The following NLRP1 variants were observed in gnomAD, a reference collection of about 807,000 sequenced individuals.
NLRP1 encodes the protein NLR family pyrin domain containing 1.
In NLRP1, 94 loss-of-function variants were observed where a neutral mutation model predicts 136.7. The ratio of observed to expected loss-of-function variants is 0.69; its 90% CI spans 0.58 to 0.82. NLRP1 has a LOEUF of 0.82. NLRP1 is among the 40% of genes least tolerant of loss of function. NLRP1 has a pLI of 0.00. For missense variants in NLRP1, 1,575 were observed against 1,802.7 expected (o/e 0.87, Z 2.29); for synonymous variants, 690 against 725.1 (o/e 0.95, Z 0.78).
intron 10 of NLRP1, 119 bp downstream of exon 10, chr17:5,533,185 C>T (rs907936952): frequency 4.0e-5 from 61 of 1,508,014 alleles, no homozygotes; most frequent in South Asian, 6.6e-5. Flanking sequence ...GCCCAGCCTC[C>T]GCCCATCTCC....
rs1426999385 is a variant in NLRP1, at chr17:5,582,758, C to G, written c.360G>C (p.Trp120Cys). 3.1e-6 allele frequency: 5 copies of G among 1,614,018 alleles called. No homozygotes were observed. In the South Asian group the frequency reaches 5.5e-5, roughly 18 times the overall value. The change falls in exon 2 of 17, where the codon TGG (tryptophan) becomes TGC (cysteine). Residue 120 changes from tryptophan (W) to cysteine (C), a missense_variant. Coordinates refer to ENST00000572272, the MANE Select transcript of NLRP1 (RefSeq NM_033004.4). The part of the protein sequence containing the change: ...QPTSTAVLMP[W>C]IHELPAGCTQ... The stretch of plus-strand genomic sequence containing the variant: ...TGCACCCCGCCGGCAATTCATGGAT[C>G]CAGGGCATTAGCACTGCGGTGGAGG...
chr17:5,552,646 A>G (rs184673098), intron 5 of NLRP1, among the ~76,000 whole-genome samples: 118 of 152,228 alleles, frequency 7.8e-4, no homozygotes, highest in Non-Finnish European at 1.5e-3. Context: ...CCTAAATTCA[A>G]TCCATTACTG....
chr17:5,529,826 A>G (rs141387641), intron 12 of NLRP1: 105 of 329,052 alleles, frequency 3.2e-4, no homozygotes, highest in African/African-American at 2.2e-3. Context: ...CAGCATCTGA[A>G]GGATTTAAGG....
At chr17:5,517,659 T>G in intron 15 of NLRP1, 87 bp downstream of exon 15, 3 of 1,493,540 alleles carry the variant, frequency 2.0e-6, no homozygotes, top group Non-Finnish European at 2.8e-6. Context: ...GTTCTGGGAT[T>G]ACAGGCGTGA....
chr17:5,521,848 G>C lies in NLRP1; in HGVS notation c.3521-62C>G, dbSNP rs1027303947. 2.4e-5 allele frequency: 35 copies of C among 1,476,264 alleles called. No individual in the cohort carries two copies. In the Middle Eastern group the frequency reaches 7.6e-4, roughly 32 times the overall value. The allele number at this position is 1,476,264 out of a possible 1,614,324, so 91.4% of individuals were successfully genotyped here. A position where few individuals can be genotyped will look rare whatever the true frequency, so the allele number is the denominator to read the frequency against. ...TTTATTTATTTATTTTGTTGAGACA[G>C]AGTTTCGCTCTTGTCGCCCAGGCTG... On this transcript the variant is annotated intron_variant, in intron 12 of 16. Transcript: ENST00000572272.
intron 7 of NLRP1, among the ~76,000 whole-genome samples, chr17:5,539,120 C>T (rs902180676): frequency 1.3e-5 from 2 of 152,202 alleles, no homozygotes; most frequent in Non-Finnish European, 2.9e-5. Context: ...ATCCACCCGC[C>T]TCGGCCTCCC....
In NLRP1 at chr17:5,559,283, C is replaced by A. The variant is rs750173523; in HGVS notation, c.1413G>T (p.Glu471Asp). 2.5e-6 allele frequency: 4 copies of A among 1,614,196 alleles called. No homozygotes were observed. In the East Asian group the frequency reaches 8.9e-5, roughly 36 times the overall value. ...CCAGGACCTCTACCCAACGTGCCTG[C>A]TCCAAAGAAGGAATGAGGTTCTGCA... is the stretch of plus-strand genomic sequence containing the variant. ...TALQNLIPSL[E>D]QARWVEVLGF... Residue 471 changes from glutamate (E) to aspartate (D), a missense_variant, in exon 4 of 17, where the codon GAG (glutamate) becomes GAT (aspartate). Glu to Asp is a conservative substitution (Grantham distance 45). Transcript: ENST00000572272.
intron 3 of NLRP1, among the ~76,000 whole-genome samples, chr17:5,564,054 T>C (rs1405824581): frequency 1.3e-5 from 2 of 152,172 alleles, no homozygotes; most frequent in Non-Finnish European, 2.9e-5. Flanking sequence ...TTTAAAATTA[T>C]TTTTTAAAAA....
At chr17:5,558,238 C>T in intron 4 of NLRP1, 101 bp downstream of exon 4, 1 of 1,329,630 alleles carries the variant, frequency 7.5e-7, no homozygotes, top group South Asian at 1.4e-5. Context: ...TTAGCCACCC[C>T]CACCCCCGGC....
At chr17:5,546,886 T>G (rs2151784932) in intron 5 of NLRP1, among the ~76,000 whole-genome samples, 1 of 152,282 alleles carries the variant, frequency 6.6e-6, no homozygotes, top group South Asian at 2.1e-4. Context: ...ATGTTTTTAT[T>G]GTGGGAAATA....
chr17:5,507,055 G>C (rs1320749648), intron 15 of NLRP1, among the ~76,000 whole-genome samples: 1 of 152,090 alleles, frequency 6.6e-6, no homozygotes, highest in African/African-American at 2.4e-5. Context: ...AATTTAAAGA[G>C]ACAGAAAGTA....
At position 5,558,953 on chromosome 17, in the gene NLRP1, T is replaced by C. The variant is rs1265145010; in HGVS notation, c.1743A>G (p.Gln581=). The change falls in exon 4 of 17, where the codon CAA becomes CAG. Residue 581 remains glutamine, a synonymous_variant. Transcript: ENST00000572272. ...LCSLAAEGIW[Q]KKTLFSPDDL... is the part of the protein sequence containing the mutation. ...CATCTGGACTGAAAAGGGTCTTTTT[T>C]TGCCAGATGCCCTCAGCAGCCAGAG... 3.7e-6 allele frequency: 6 copies of C among 1,614,174 alleles called. No homozygotes were observed. The East Asian group carries it at 1.3e-4, about 36-fold the overall frequency.
rs535996689 is a variant in NLRP1 at position 5,541,202 on chromosome 17, C to T, written c.2699+655G>A. On this transcript the variant is annotated intron_variant, in intron 6 of 16. Coordinates refer to ENST00000572272, the MANE Select transcript of NLRP1 (RefSeq NM_033004.4). This position sits in a 1 kb window ranked among gnomAD's most constrained non-coding sequence, Gnocchi z 4.2. ...CTGGGATTACAGGTGCCCACCATCA[C>T]GCCTGGCTACTTTGTGTAGTTTTAG... Among the ~76,000 whole-genome samples the T allele has an allele frequency of 9.3e-4, 141 of 152,244 alleles. No homozygotes were observed. The highest frequency in any genetic ancestry group is 3.4e-3 in the Middle Eastern group (1 of 294).
chr17:5,558,577 G>A lies in NLRP1; in HGVS notation c.2119C>T (p.Leu707=). 1 of 1,614,104 alleles carries A rather than the reference G, an allele frequency of 6.2e-7. No homozygotes were observed. The highest frequency in any genetic ancestry group is 8.5e-7 in the Non-Finnish European group (1 of 1,180,008). Residue 707 remains leucine, a synonymous_variant, in exon 4 of 17, where the codon CTG becomes TTG. Transcript: ENST00000572272. ...GRNLMQWVPS[L]QLLLQPHSLE... is the part of the protein sequence containing the mutation. ...GAGTGTGGCTGCAGCAGCAGCTGCAGGGACGGGACCCACTGCATCAGGTTC... is the reference window on the plus strand; with the variant it reads ...GAGTGTGGCTGCAGCAGCAGCTGCAAGGACGGGACCCACTGCATCAGGTTC...
intron 1 of NLRP1, 85 bp from the exon 2 acceptor site, chr17:5,582,931 A>G: frequency 9.2e-7 from 1 of 1,089,406 alleles, no homozygotes; most frequent in African/African-American, 1.6e-5. Context: ...TCCTCTCTCA[A>G]CCAAGAGAGG....
intron 5 of NLRP1, among the ~76,000 whole-genome samples, chr17:5,551,861 C>A (rs1261136129): frequency 6.6e-6 from 1 of 152,148 alleles, no homozygotes; most frequent in South Asian, 2.1e-4. Flanking sequence ...TGTTGAACTC[C>A]TGGGCTCAAG....
At position 5,542,492 on chromosome 17, in the gene NLRP1, C is replaced by T. The variant is rs559263959; in HGVS notation, c.2529-465G>A. On this transcript the variant is annotated intron_variant, in intron 5 of 16. Transcript: ENST00000572272. Reference sequence around the variant, plus strand: ...GCTGACACCTCATGGGGTGCTCCTCCACTTGCGTCAGGTCTTTGCTCAGAA... The same window carrying T: ...GCTGACACCTCATGGGGTGCTCCTCTACTTGCGTCAGGTCTTTGCTCAGAA... 5.9e-5 allele frequency among the ~76,000 whole-genome samples: 9 copies of T among 152,200 alleles called. No individual in the cohort carries two copies. In the East Asian group the frequency reaches 1.8e-3, roughly 30 times the overall value.
intron 15 of NLRP1, among the ~76,000 whole-genome samples, chr17:5,507,666 T>C (rs1327786598): frequency 6.6e-6 from 1 of 152,128 alleles, no homozygotes; most frequent in Non-Finnish European, 1.5e-5. Context: ...CTATTAAAGA[T>C]ACAAAAAATT....
chr17:5,533,097 G>A, intron 10 of NLRP1, 113 bp from the exon 11 acceptor site: 1 of 1,432,896 alleles, frequency 7.0e-7, no homozygotes, highest in Non-Finnish European at 9.3e-7. Flanking sequence ...GACCATGGCA[G>A]GGAGTGTGTC....
Sources: gnomAD v4.1 joint callset for allele counts (sites outside exome capture counted in the v4.1 genomes callset) on GRCh38, gnomAD v4.1.1 for gene constraint, Gnocchi (gnomAD v3.1) non-coding constraint, MANE v1.5 for transcripts, NCBI Gene and HGNC (gene_info 2026-07-23, HGNC 2026-07-21) for gene names.